Variants in GNG12 observed in about 807,000 individuals in gnomAD.
The protein encoded by GNG12 is guanine nucleotide-binding protein G(I)/G(S)/G(O) subunit gamma-12.
For missense variants in GNG12, 69 were observed against 83.8 expected, an observed-to-expected ratio of 0.82 and a Z score of 0.69; for synonymous variants, 28 against 29.7, an observed-to-expected ratio of 0.94 and a Z score of 0.19.
chr1:67,806,081 A>G (rs935840808), intron 1 of GNG12, among the ~76,000 whole-genome samples: 1 of 152,122 alleles, frequency 6.6e-6, no homozygotes, highest in African/African-American at 2.4e-5. Context: ...AAATGTTCTC[A>G]GATTAAAAAA....
chr1:67,720,528 T>C (rs1327867082), intron 2 of GNG12, among the ~76,000 whole-genome samples: 1 of 152,216 alleles, frequency 6.6e-6, no homozygotes, highest in Non-Finnish European at 1.5e-5. Flanking sequence ...CATAAATGAA[T>C]AGATGAATGG....
At chr1:67,777,582 G>T in intron 1 of GNG12, 75 bp from the exon 2 acceptor site, 2 of 207,640 alleles carry the variant, frequency 9.6e-6, no homozygotes, top group Non-Finnish European at 1.7e-5. Flanking sequence ...CCAAGTGACT[G>T]CCATAACGTT....
At chr1:67,744,058 C>G (rs1429658062) in intron 2 of GNG12, among the ~76,000 whole-genome samples, 1 of 152,092 alleles carries the variant, frequency 6.6e-6, no homozygotes, top group African/African-American at 2.4e-5. Context: ...GATGACAGTA[C>G]GAACAATAAA....
chr1:67,746,487 C>T (rs567224291), intron 2 of GNG12, among the ~76,000 whole-genome samples: 4 of 152,090 alleles, frequency 2.6e-5, no homozygotes, highest in South Asian at 2.1e-4. Flanking sequence ...CATGAAGGCA[C>T]GGAAGTGGCT....
chr1:67,790,610 CTTT>C (rs34333997), intron 1 of GNG12, among the ~76,000 whole-genome samples: 1,432 of 125,340 alleles, frequency 0.011, 22 homozygotes, highest in African/African-American at 0.041. Flanking sequence ...TAGTTTATTC[CTTT>C]TTTTTTTTTT....
intron 1 of GNG12, among the ~76,000 whole-genome samples, chr1:67,786,739 T>A (rs755457147): frequency 9.9e-5 from 15 of 151,726 alleles, no homozygotes; most frequent in Non-Finnish European, 1.9e-4. Flanking sequence ...CTGGGCAACA[T>A]AGTGAAACCC....
At chr1:67,750,881 T>C (rs893215096) in intron 2 of GNG12, among the ~76,000 whole-genome samples, 3 of 152,194 alleles carry the variant, frequency 2.0e-5, no homozygotes, top group African/African-American at 7.2e-5. Context: ...CCTTTCCCAC[T>C]TATTAGTCGT....
intron 2 of GNG12, among the ~76,000 whole-genome samples, chr1:67,753,365 A>C (rs1557605615): frequency 1.3e-5 from 2 of 151,746 alleles, no homozygotes; most frequent in African/African-American, 2.4e-5. Context: ...AAAAAAAAAA[A>C]CCTGAAATCT....
intron 2 of GNG12, among the ~76,000 whole-genome samples, chr1:67,731,318 T>G (rs889829118): frequency 1.3e-5 from 2 of 152,200 alleles, no homozygotes; most frequent in African/African-American, 2.4e-5. Context: ...TAATCCCCGC[T>G]CTCAAGGAGC....
chr1:67,705,762 T>G (rs1646243641), intron 3 of GNG12, among the ~76,000 whole-genome samples, 186 bp from the exon 4 acceptor site: 3 of 152,160 alleles, frequency 2.0e-5, no homozygotes, highest in African/African-American at 7.2e-5. Context: ...ATGGTGCAAT[T>G]TGGCAGGTAA....
chr1:67,714,364 C>T (rs975665625), intron 2 of GNG12, among the ~76,000 whole-genome samples: 8 of 152,192 alleles, frequency 5.3e-5, no homozygotes, highest in African/African-American at 1.9e-4. Flanking sequence ...GGGCTCACTC[C>T]CGTCCTGCCA....
At chr1:67,746,170 T>G (rs565176048) in intron 2 of GNG12, among the ~76,000 whole-genome samples, 2 of 148,696 alleles carry the variant, frequency 1.3e-5, no homozygotes, top group Non-Finnish European at 2.9e-5. Context: ...ATAAAGTTGT[T>G]AAATTAACAT....
chr1:67,743,958 T>C (rs1401785011), intron 2 of GNG12, among the ~76,000 whole-genome samples: 1 of 152,210 alleles, frequency 6.6e-6, no homozygotes, highest in African/African-American at 2.4e-5. Flanking sequence ...AGAAATAACA[T>C]AGTAAGCCAC....
intron 1 of GNG12, among the ~76,000 whole-genome samples, chr1:67,794,578 G>T (rs1646819346): frequency 6.6e-6 from 1 of 152,184 alleles, no homozygotes; most frequent in South Asian, 2.1e-4. Context: ...AGAAGCAGCT[G>T]CCTCCTCTAA....
intron 1 of GNG12, among the ~76,000 whole-genome samples, chr1:67,786,077 G>C (rs1224923566): frequency 6.6e-6 from 1 of 152,000 alleles, no homozygotes; most frequent in Non-Finnish European, 1.5e-5. Flanking sequence ...AAAATAATCT[G>C]GATCAAATTA....
At chr1:67,728,009 G>A (rs1392081350) in intron 2 of GNG12, among the ~76,000 whole-genome samples, 1 of 152,108 alleles carries the variant, frequency 6.6e-6, no homozygotes, top group African/African-American at 2.4e-5. Flanking sequence ...ACCTTAAACA[G>A]AGGAAAATAT....
chr1:67,743,912 T>C (rs1646495573), intron 2 of GNG12, among the ~76,000 whole-genome samples: 1 of 152,192 alleles, frequency 6.6e-6, no homozygotes, highest in Non-Finnish European at 1.5e-5. Flanking sequence ...GAGAAAATGG[T>C]ATTTATTTGT....
chr1:67,822,459 C>T (rs6666982), intron 1 of GNG12, among the ~76,000 whole-genome samples: 51,266 of 151,898 alleles, frequency 0.34, 8,911 homozygotes, highest in Middle Eastern at 0.48. Flanking sequence ...GACCAAGATC[C>T]TGTCCTTATG....
intron 2 of GNG12, among the ~76,000 whole-genome samples, chr1:67,770,358 T>C (rs778134418): frequency 6.6e-6 from 1 of 152,160 alleles, no homozygotes; most frequent in Non-Finnish European, 1.5e-5. Flanking sequence ...GAGTTTGATA[T>C]GCATCTCCCT....
Sources: allele counts gnomAD v4.1 joint callset (sites outside exome capture counted in the v4.1 genomes callset), GRCh38; gene constraint gnomAD v4.1.1; transcripts MANE v1.5; gene names NCBI Gene and HGNC (gene_info 2026-07-23, HGNC 2026-07-21).